The following DOCK7 variants were observed in gnomAD, a reference collection of about 807,000 sequenced individuals.
DOCK7 encodes dedicator of cytokinesis protein 7.
In DOCK7, 138 loss-of-function variants were observed where a neutral mutation model predicts 271.0. The ratio of observed to expected loss-of-function variants is 0.51; its 90% CI spans 0.44 to 0.59. The LOEUF (loss-of-function observed/expected upper bound fraction) is 0.59, where lower values mean the gene tolerates loss of function less well. Among genes scored for constraint, DOCK7 ranks in the 20% least tolerant of loss-of-function variants. The probability of loss-of-function intolerance (pLI) is 0.00; values close to 1 mark genes in which losing one functional copy is unlikely to be tolerated. For synonymous variants in DOCK7, 823 were observed against 876.1 expected (o/e 0.94, Z 1.07); for missense variants, 2,066 against 2,592.4 (o/e 0.80, Z 4.41).
intron 1 of DOCK7, among the ~76,000 whole-genome samples, chr1:62,681,071 A>C (rs1434336239): frequency 7.2e-5 from 11 of 152,194 alleles, no homozygotes; most frequent in Admixed American, 7.2e-4. Context: ...TTCTGCTATA[A>C]AGACACATGC....
At chr1:62,631,543 G>T in intron 10 of DOCK7, 138 bp from the exon 11 acceptor site, 1 of 688,800 alleles carries the variant, frequency 1.5e-6, no homozygotes, top group Non-Finnish European at 2.4e-6. Flanking sequence ...ACCTTACAGA[G>T]ATGAAGTATT....
intron 43 of DOCK7, chr1:62,485,647 G>A: frequency 2.0e-6 from 2 of 985,292 alleles, no homozygotes; most frequent in African/African-American, 3.5e-5. Context: ...ATATACACAA[G>A]ATAGAACTTA....
At chr1:62,683,581 A>C (rs1661400449) in intron 1 of DOCK7, among the ~76,000 whole-genome samples, 1 of 152,242 alleles carries the variant, frequency 6.6e-6, no homozygotes, top group African/African-American at 2.4e-5. Context: ...GGATAGTAGC[A>C]GTGACACTGT....
chr1:62,652,182 T>C (rs904443838), intron 4 of DOCK7, among the ~76,000 whole-genome samples: 2 of 152,206 alleles, frequency 1.3e-5, no homozygotes, highest in Non-Finnish European at 2.9e-5. Context: ...AGTCTCCCTT[T>C]CCATTGCCTG....
Position 62,504,626 on chromosome 1 carries a change from T to C in DOCK7, c.4764+4A>G. ...ACAGAGAATTTTCATGATAAAATAC[T>C]TACATTCCCAATCTCAAAGTTTTGC... On this transcript the variant is annotated splice_donor_region_variant and intron_variant, in intron 37 of 49. Coordinates refer to ENST00000635253, the MANE Select transcript of DOCK7 (RefSeq NM_001367561.1). The C allele has an allele frequency of 6.2e-7, 1 of 1,608,246 alleles. No individual in the cohort carries two copies. Among genetic ancestry groups the C allele is most frequent in the Non-Finnish European group, 8.5e-7 (1 of 1,178,272 alleles).
chr1:62,568,020 A>G (rs1193213815), intron 18 of DOCK7, among the ~76,000 whole-genome samples: 1 of 152,202 alleles, frequency 6.6e-6, no homozygotes, highest in Non-Finnish European at 1.5e-5. Context: ...AACACTCCTC[A>G]GCAAATGCAA....
intron 1 of DOCK7, among the ~76,000 whole-genome samples, chr1:62,687,997 C>T (rs1342452184): frequency 6.6e-6 from 1 of 151,930 alleles, no homozygotes; most frequent in Non-Finnish European, 1.5e-5. Context: ...CTCTCCGCTC[C>T]CTGCCGAGGC....
chr1:62,618,580 G>T, intron 14 of DOCK7, 126 bp downstream of exon 14: 1 of 761,228 alleles, frequency 1.3e-6, no homozygotes, highest in Non-Finnish European at 2.1e-6. Context: ...ATAAAATTGT[G>T]CGGTAAGAGA....
chr1:62,511,723 T>G (rs1644490149), intron 33 of DOCK7, among the ~76,000 whole-genome samples: 1 of 152,088 alleles, frequency 6.6e-6, no homozygotes, highest in East Asian at 1.9e-4. Flanking sequence ...TTTCTCTTTT[T>G]TAAATTCTGA....
chr1:62,517,637 C>G (rs575370872), intron 31 of DOCK7, among the ~76,000 whole-genome samples: 6 of 152,238 alleles, frequency 3.9e-5, no homozygotes, highest in Admixed American at 1.3e-4. Flanking sequence ...TTAATGATCT[C>G]TCTTCACAAC....
chr1:62,559,153 A>G lies in DOCK7; in HGVS notation c.2267T>C (p.Ile756Thr), dbSNP rs763688322. 23 of 1,613,708 alleles carry G rather than the reference A, an allele frequency of 1.4e-5. No individual in the cohort carries two copies. Among genetic ancestry groups the G allele is most frequent in the Middle Eastern group, 1.6e-4 (1 of 6,084 alleles). ...ALDEHLFPVR[I>T]GDMRIMENNL... ...ATTTTCCATGATTCGCATGTCCCCAATTCGGACTGGGAACAGGTGTTCATC... is the reference window on the plus strand; with the variant it reads ...ATTTTCCATGATTCGCATGTCCCCAGTTCGGACTGGGAACAGGTGTTCATC... The change falls in exon 20 of 50, where the codon ATT becomes ACT. Residue 756 changes from isoleucine (I) to threonine (T), a missense_variant. Ile to Thr is a moderately conservative substitution (Grantham distance 89). This residue lies in a region of DOCK7 where 1,414 missense variants were observed against 1,670.4 expected (regional missense o/e 0.85). Coordinates refer to ENST00000635253, the MANE Select transcript of DOCK7 (RefSeq NM_001367561.1).
chr1:62,661,826 G>T (rs1658695320), intron 2 of DOCK7, among the ~76,000 whole-genome samples: 1 of 152,060 alleles, frequency 6.6e-6, no homozygotes, highest in Non-Finnish European at 1.5e-5. Context: ...TCTAAGGTCT[G>T]ATTATAGAAA....
At chr1:62,541,029 C>T (rs779586314) in intron 25 of DOCK7, among the ~76,000 whole-genome samples, 5 of 152,132 alleles carry the variant, frequency 3.3e-5, no homozygotes, top group Non-Finnish European at 7.4e-5. Context: ...ACATTCAATG[C>T]TGAGGACCAC....
chr1:62,544,814 C>T (rs1425315883), intron 23 of DOCK7, 133 bp downstream of exon 23: 3 of 632,394 alleles, frequency 4.7e-6, no homozygotes, highest in South Asian at 2.4e-5. Context: ...GGAAAATGTG[C>T]TAAGTAAACA....
intron 1 of DOCK7, among the ~76,000 whole-genome samples, chr1:62,678,001 A>C (rs917023875): frequency 2.0e-5 from 3 of 152,150 alleles, no homozygotes; most frequent in African/African-American, 7.2e-5. Flanking sequence ...GGTGGTGCAC[A>C]CCTGTAGTTC....
At chr1:62,512,858 C>T (rs1034177684) in intron 33 of DOCK7, among the ~76,000 whole-genome samples, 1 of 151,760 alleles carries the variant, frequency 6.6e-6, no homozygotes, top group Non-Finnish European at 1.5e-5. Flanking sequence ...CTGCAGTAAG[C>T]CACAATCACA....
At chr1:62,580,042 A>G (rs1212117366) in intron 16 of DOCK7, among the ~76,000 whole-genome samples, 1 of 152,182 alleles carries the variant, frequency 6.6e-6, no homozygotes, top group Non-Finnish European at 1.5e-5. Flanking sequence ...TAGCATCCCA[A>G]CCTTCCATAT....
At chr1:62,500,496 A>C (rs1298417326) in intron 37 of DOCK7, among the ~76,000 whole-genome samples, 4 of 152,038 alleles carry the variant, frequency 2.6e-5, no homozygotes, top group Non-Finnish European at 2.9e-5. Flanking sequence ...GAACAAAACA[A>C]GTATTTTATA....
Position 62,475,776 on chromosome 1 carries a change from C to T in DOCK7, c.5892G>A (p.Lys1964=). ...HGELHEQFKR[K]TILTTSHAFP... is the part of the protein sequence containing the mutation. ...AGGCATGAGACGTAGTCAGAATGGT[C>T]TTCCTTTTGAATTGTTCATGAAGTT... The change falls in exon 46 of 50, where the codon AAG becomes AAA. Residue 1964 remains lysine, a synonymous_variant. Transcript: ENST00000635253. 1 of 1,614,048 alleles carries T rather than the reference C, an allele frequency of 6.2e-7. No homozygotes were observed. The highest frequency in any genetic ancestry group is 8.5e-7 in the Non-Finnish European group (1 of 1,179,942).
Sources: gnomAD v4.1 joint callset for allele counts (sites outside exome capture counted in the v4.1 genomes callset) on GRCh38, gnomAD v4.1.1 for gene constraint, gnomAD v4.1.1 regional missense constraint, MANE v1.5 for transcripts, NCBI Gene and HGNC (gene_info 2026-07-23, HGNC 2026-07-21) for gene names.